TRIM66: variants seen among roughly 807,000 people sequenced by gnomAD.
The protein encoded by TRIM66 is tripartite motif containing 66.
Under a neutral mutation model 148.2 loss-of-function variants are expected in TRIM66, and 99 were observed. That is an observed-to-expected ratio of 0.67 (90% CI 0.57 to 0.79). The LOEUF is 0.79. Among genes scored for constraint, TRIM66 ranks in the 30% least tolerant of loss-of-function variants. The pLI is 0.00. For missense variants in TRIM66, 1,666 were observed against 1,697.9 expected, an observed-to-expected ratio of 0.98 and a Z score of 0.33; for synonymous variants, 616 against 635.9, an observed-to-expected ratio of 0.97 and a Z score of 0.47.
rs544822092 is a variant in TRIM66 at position 8,641,101 on chromosome 11, T to A, written c.1274A>T (p.Tyr425Phe). The A allele has an allele frequency of 6.4e-7, 1 of 1,551,684 alleles. No homozygotes were observed. Among genetic ancestry groups the A allele is most frequent in the South Asian group, 1.2e-5 (1 of 84,062 alleles). Reference sequence around the variant, plus strand: ...GGGTGATGACCCCTGTAAGCCTCCATAAGCAGGAGCATCTGCCCTGGACAT... The same window carrying A: ...GGGTGATGACCCCTGTAAGCCTCCAAAAGCAGGAGCATCTGCCCTGGACAT... The part of the protein sequence containing the change: ...GQMSRADAPA[Y>F]GGLQGSSPFY... Residue 425 changes from tyrosine (Y) to phenylalanine (F), a missense_variant, in exon 14 of 25, where the codon TAT becomes TTT. Physicochemically the swap from Tyr to Phe is conservative, Grantham distance 22 (BLOSUM62 3). Transcript: ENST00000646038.
chr11:8,674,580 T>G (rs2039089467), intron 4 of TRIM66, among the ~76,000 whole-genome samples: 1 of 152,134 alleles, frequency 6.6e-6, no homozygotes, highest in Admixed American at 6.6e-5. Context: ...AGAGACCAGG[T>G]CTTGCTATGT....
At chr11:8,620,251 A>T in intron 21 of TRIM66, 127 bp from the exon 22 acceptor site, 2 of 1,306,486 alleles carry the variant, frequency 1.5e-6, no homozygotes, top group Non-Finnish European at 2.1e-6. Context: ...CTAAGGCACA[A>T]TTCAGGTTCC....
Position 8,670,020 on chromosome 11 carries a change from T to TA in TRIM66, c.340+1765_340+1766insT, listed in dbSNP as rs559589610. On this transcript the variant is annotated intron_variant, in intron 6 of 24. Transcript: ENST00000646038. ...TTGTCTTGTTTTGTTTTTATTTATT[T>TA]TTTTTTTTTTGAGACAGAGTCTCAC... Among the ~76,000 whole-genome samples the TA allele has an allele frequency of 2.1e-4, 32 of 150,300 alleles. 1 individual carries two copies. The highest frequency in any genetic ancestry group is 7.9e-4 in the East Asian group (4 of 5,092).
chr11:8,677,682 T>C (rs1015539094), intron 3 of TRIM66, among the ~76,000 whole-genome samples: 4 of 152,186 alleles, frequency 2.6e-5, no homozygotes, highest in Non-Finnish European at 4.4e-5. Flanking sequence ...ATTAATTTTA[T>C]CCTCTGAAAT....
rs1055268792 is a variant in TRIM66 at position 8,618,758 on chromosome 11, G to A, written c.4111C>T (p.Arg1371Ter). 1.2e-5 allele frequency: 18 copies of A among 1,549,750 alleles called. No homozygotes were observed. The highest frequency in any genetic ancestry group is 1.4e-5 in the Non-Finnish European group (16 of 1,146,764). The change falls in exon 24 of 25, where the codon CGA (arginine) becomes TGA (stop). Residue 1371 changes from arginine (R) to a stop codon, truncating the protein, a stop_gained. Coordinates refer to ENST00000646038, the MANE Select transcript of TRIM66 (RefSeq NM_001388022.1). LOFTEE classifies it high-confidence loss of function. ...TGGCAGTAACTCTTTACCATATGTC[G>A]TCGCCGCCTCTTGGGTTGGATGCCC... ...QEGIQPKRRR[R>*]HMENERAKRM...
At chr11:8,669,168 G>A (rs1303789599) in intron 6 of TRIM66, among the ~76,000 whole-genome samples, 1 of 152,172 alleles carries the variant, frequency 6.6e-6, no homozygotes, top group Non-Finnish European at 1.5e-5. Context: ...TTGGTCCAAA[G>A]CATAGACTGC....
At chr11:8,649,997 T>C in intron 7 of TRIM66, 110 bp from the exon 8 acceptor site, 3 of 1,302,880 alleles carry the variant, frequency 2.3e-6, no homozygotes, top group Admixed American at 4.6e-5. Context: ...CCTCCACCAG[T>C]TTGGAGTGTA....
chr11:8,634,583 G>T (rs1322491782), intron 15 of TRIM66, among the ~76,000 whole-genome samples: 1 of 152,248 alleles, frequency 6.6e-6, no homozygotes, highest in Non-Finnish European at 1.5e-5. Context: ...GGTTGCTGTG[G>T]TAGGGTTGTA....
At position 8,614,156 on chromosome 11, in the gene TRIM66, T is replaced by G. The variant is rs2033575563; in HGVS notation, c.*3788A>C. 6.6e-6 allele frequency: 1 copy of G among 152,154 alleles called. No homozygotes were observed. Among genetic ancestry groups the G allele is most frequent in the Non-Finnish European group, 1.5e-5 (1 of 68,130 alleles). 9.4% of individuals were successfully genotyped at this position (152,154 alleles called of 1,614,324 possible). On this transcript the variant is annotated 3_prime_UTR_variant, in exon 25 of 25. Coordinates refer to ENST00000646038, the MANE Select transcript of TRIM66 (RefSeq NM_001388022.1). ...AGTGTTGATACCAGCTTGAGCAACA[T>G]GGCGAAACTCCATCTCTACCTAAAG... is the stretch of plus-strand genomic sequence containing the variant.
chr11:8,643,165 G>A (rs1392076573), intron 12 of TRIM66, 39 bp from the exon 13 acceptor site: 1 of 1,515,722 alleles, frequency 6.6e-7, no homozygotes, highest in South Asian at 1.2e-5. Flanking sequence ...TGGGCATCTT[G>A]CACCTAAATG....
chr11:8,640,723 A>G lies in TRIM66; in HGVS notation c.1652T>C (p.Leu551Pro). The G allele has an allele frequency of 1.3e-6, 2 of 1,551,516 alleles. No individual in the cohort carries two copies. The highest frequency in any genetic ancestry group is 8.7e-7 in the Non-Finnish European group (1 of 1,146,964). Residue 551 changes from leucine to proline, a missense_variant, in exon 14 of 25, where the codon CTG (leucine) becomes CCG (proline). By Grantham distance (98) the Leu-to-Pro change is moderately conservative. Transcript: ENST00000646038. ...GACAATGCACACGGGCTGGGAAGTCAGCTGCTGCCCCAGCCGCTGGGATGT... is the reference window on the plus strand; with the variant it reads ...GACAATGCACACGGGCTGGGAAGTCGGCTGCTGCCCCAGCCGCTGGGATGT... Reference protein sequence around the residue: ...ESTSQRLGQQLTSQPVCIVPP... With the variant: ...ESTSQRLGQQPTSQPVCIVPP...
chr11:8,619,647 T>C (rs546122755), intron 22 of TRIM66, 112 bp from the exon 23 acceptor site: 12 of 1,064,040 alleles, frequency 1.1e-5, no homozygotes, highest in African/African-American at 4.9e-5. Context: ...AGTGAAAGAA[T>C]AGGAAGAGGA....
chr11:8,659,686 T>C (rs922982397), intron 6 of TRIM66, among the ~76,000 whole-genome samples: 4 of 152,166 alleles, frequency 2.6e-5, no homozygotes, highest in African/African-American at 9.7e-5. Context: ...GGTGTGGGAC[T>C]GGGAATCTGT....
chr11:8,680,229 G>A (rs2039347645), intron 1 of TRIM66, among the ~76,000 whole-genome samples, 166 bp from the exon 2 acceptor site: 1 of 152,230 alleles, frequency 6.6e-6, no homozygotes, highest in Non-Finnish European at 1.5e-5. Context: ...GTGTAAGGGA[G>A]AGGCTGGGGT....
intron 6 of TRIM66, among the ~76,000 whole-genome samples, chr11:8,658,387 G>A (rs1448194068): frequency 1.3e-5 from 2 of 152,108 alleles, no homozygotes; most frequent in Non-Finnish European, 2.9e-5. Context: ...TGCACAGCTC[G>A]GGAGACAGCA....
intron 1 of TRIM66, among the ~76,000 whole-genome samples, chr11:8,681,118 A>G (rs888415675): frequency 8.6e-5 from 13 of 150,942 alleles, no homozygotes; most frequent in Non-Finnish European, 1.8e-4. Context: ...GGGCAAGGAC[A>G]TGGGAGAATT....
At chr11:8,649,939 C>G (rs1214727007) in intron 7 of TRIM66, 52 bp from the exon 8 acceptor site, 2 of 1,527,566 alleles carry the variant, frequency 1.3e-6, no homozygotes, top group Non-Finnish European at 1.8e-6. Flanking sequence ...TTGTGTCTGC[C>G]TCCACAAGTG....
chr11:8,658,581 G>A (rs758129502), intron 6 of TRIM66, among the ~76,000 whole-genome samples: 3 of 152,182 alleles, frequency 2.0e-5, no homozygotes, highest in Non-Finnish European at 2.9e-5. Flanking sequence ...CTGTTTATAC[G>A]TAGGAAGAAT....
intron 6 of TRIM66, among the ~76,000 whole-genome samples, chr11:8,661,213 C>A (rs898983356): frequency 4.6e-5 from 7 of 152,198 alleles, no homozygotes; most frequent in Admixed American, 4.6e-4. Context: ...GCCAGACAGC[C>A]GGCCTGAGCC....
Sources: gnomAD v4.1 joint callset for allele counts (sites outside exome capture counted in the v4.1 genomes callset) on GRCh38, gnomAD v4.1.1 for gene constraint, MANE v1.5 for transcripts, NCBI Gene and HGNC (gene_info 2026-07-23, HGNC 2026-07-21) for gene names.